Variants in SLC31A1 observed in about 807,000 individuals in gnomAD.
The protein encoded by SLC31A1 is solute carrier family 31 member 1, also known as high affinity copper uptake protein 1.
A neutral mutation model predicts 17.2 loss-of-function variants in SLC31A1; 5 were observed. The observed-to-expected ratio is 0.29, with a 90% CI of 0.15 to 0.61. SLC31A1 has a LOEUF of 0.61. Ranked by LOEUF, SLC31A1 falls within the 20% of genes least tolerant of loss-of-function variation. The pLI is 0.86. For synonymous variants in SLC31A1, 76 were observed against 78.8 expected (o/e 0.96, Z 0.19); for missense variants, 161 against 241.4 (o/e 0.67, Z 2.21).
At chr9:113,240,079 T>C (rs761316676) in intron 1 of SLC31A1, among the ~76,000 whole-genome samples, 2 of 152,226 alleles carry the variant, frequency 1.3e-5, no homozygotes, top group African/African-American at 4.8e-5. Context: ...TTAAGAAAGC[T>C]CCTCTCTTTC....
At chr9:113,230,328 A>G (rs754986866) in intron 1 of SLC31A1, among the ~76,000 whole-genome samples, 4 of 152,212 alleles carry the variant, frequency 2.6e-5, no homozygotes, top group South Asian at 2.1e-4. Context: ...GGCTCAGGCT[A>G]TCCTCCTGCC....
At chr9:113,255,934 G>A (rs1831721846) in intron 1 of SLC31A1, 180 bp from the exon 2 acceptor site, 1 of 359,946 alleles carries the variant, frequency 2.8e-6, no homozygotes, top group Non-Finnish European at 4.9e-6. Context: ...TGGTGAACCA[G>A]CCTAGATCAG....
At chr9:113,226,843 C>T (rs1163646904) in intron 1 of SLC31A1, among the ~76,000 whole-genome samples, 1 of 152,120 alleles carries the variant, frequency 6.6e-6, no homozygotes, top group Non-Finnish European at 1.5e-5. Flanking sequence ...AAGCAGTTTA[C>T]AGCATCTAGA....
chr9:113,259,465 G>T (rs888665786), intron 4 of SLC31A1, among the ~76,000 whole-genome samples: 2 of 152,154 alleles, frequency 1.3e-5, no homozygotes, highest in African/African-American at 2.4e-5. Context: ...GGCCCAGAAG[G>T]ATTGTGACCT....
In SLC31A1 at chr9:113,242,128, G is replaced by A. The variant is rs542277335; in HGVS notation, c.-35-13986G>A. ...GGTGTGAACCCGGGAGGCGGAGCTT[G>A]CGGTGAGCTGAGATCACGCCACCGC... On this transcript the variant is annotated intron_variant, in intron 1 of 4. Coordinates refer to ENST00000374212, the MANE Select transcript of SLC31A1 (RefSeq NM_001859.4). Among the ~76,000 whole-genome samples the A allele has an allele frequency of 7.9e-5, 12 of 152,286 alleles. No homozygotes were observed. The South Asian group carries it at 2.5e-3, about 32-fold the overall frequency.
At chr9:113,234,824 A>C (rs1193310670) in intron 1 of SLC31A1, among the ~76,000 whole-genome samples, 3 of 152,206 alleles carry the variant, frequency 2.0e-5, no homozygotes, top group Admixed American at 2.0e-4. Context: ...TGTTATTAAC[A>C]TGGCAGTCTC....
intron 1 of SLC31A1, among the ~76,000 whole-genome samples, chr9:113,246,587 G>T (rs1587992980): frequency 6.6e-6 from 1 of 152,240 alleles, no homozygotes; most frequent in South Asian, 2.1e-4. Flanking sequence ...TTCTGACCTC[G>T]TGATCTGCCT....
At position 113,260,384 on chromosome 9, in the gene SLC31A1, A is replaced by G. The variant is rs1182145651; in HGVS notation, c.484A>G (p.Ile162Val). 6 of 1,614,074 alleles carry G rather than the reference A, an allele frequency of 3.7e-6. No individual in the cohort carries two copies. Among genetic ancestry groups the G allele is most frequent in the Non-Finnish European group, 4.2e-6 (5 of 1,180,016 alleles). ...CATGACCTACAACGGGTACCTCTGCATTGCAGTAGCAGCAGGGGCCGGTAC... is the reference window on the plus strand; with the variant it reads ...CATGACCTACAACGGGTACCTCTGCGTTGCAGTAGCAGCAGGGGCCGGTAC... ...IFMTYNGYLC[I>V]AVAAGAGTGY... The change falls in exon 5 of 5, where the codon ATT becomes GTT. Residue 162 changes from isoleucine (I) to valine (V), a missense_variant. Physicochemically the swap from Ile to Val is conservative, Grantham distance 29. Coordinates refer to ENST00000374212, the MANE Select transcript of SLC31A1 (RefSeq NM_001859.4).
At chr9:113,240,024 T>G (rs966365746) in intron 1 of SLC31A1, among the ~76,000 whole-genome samples, 1 of 152,204 alleles carries the variant, frequency 6.6e-6, no homozygotes, top group Admixed American at 6.5e-5. Context: ...TTCCTTCTAC[T>G]AAACTCCAAT....
chr9:113,250,622 T>C, intron 1 of SLC31A1, among the ~76,000 whole-genome samples: 1 of 148,226 alleles, frequency 6.7e-6, no homozygotes, highest in Non-Finnish European at 1.5e-5. Context: ...GGCACATGTA[T>C]ACATATGTAA....
At chr9:113,237,353 A>G (rs1401108237) in intron 1 of SLC31A1, among the ~76,000 whole-genome samples, 1 of 152,196 alleles carries the variant, frequency 6.6e-6, no homozygotes, top group Non-Finnish European at 1.5e-5. Flanking sequence ...TCAGAGCACT[A>G]GGATAGCTTG....
At chr9:113,246,708 C>T (rs1447116837) in intron 1 of SLC31A1, among the ~76,000 whole-genome samples, 2 of 151,394 alleles carry the variant, frequency 1.3e-5, no homozygotes, top group Non-Finnish European at 2.9e-5. Context: ...CTCTATATCC[C>T]AGGCTGGAGT....
chr9:113,264,012 C>T lies in SLC31A1; in HGVS notation c.*3539C>T, dbSNP rs1831823850. ...ATCCTGCCCTCTCCAGCTGCTCCTT[C>T]AAAAGATACATCAAAAGATAGAAAC... On this transcript the variant is annotated 3_prime_UTR_variant, in exon 5 of 5. Coordinates refer to ENST00000374212, the MANE Select transcript of SLC31A1 (RefSeq NM_001859.4). 1 of 152,176 alleles carries T rather than the reference C, an allele frequency of 6.6e-6. No homozygotes were observed. The highest frequency in any genetic ancestry group is 6.6e-5 in the Admixed American group (1 of 15,238). The allele number at this position is 152,176 out of a possible 1,614,324, so 9.4% of individuals were successfully genotyped here. A position where few individuals can be genotyped will look rare whatever the true frequency, so the allele number is the denominator to read the frequency against.
intron 1 of SLC31A1, among the ~76,000 whole-genome samples, chr9:113,222,377 AT>A (rs1359867354): frequency 6.6e-6 from 1 of 152,128 alleles, no homozygotes; most frequent in African/African-American, 2.4e-5. Flanking sequence ...ATCAACATCA[AT>A]TGTGGCGGAC....
intron 1 of SLC31A1, among the ~76,000 whole-genome samples, chr9:113,237,170 T>G (rs1036003783): frequency 1.1e-4 from 16 of 152,216 alleles, no homozygotes; most frequent in Non-Finnish European, 2.4e-4. Flanking sequence ...TCACCCCACT[T>G]AGAGCCACTT....
intron 1 of SLC31A1, chr9:113,223,308 C>G: frequency 2.4e-6 from 1 of 419,076 alleles, no homozygotes; most frequent in South Asian, 1.8e-5. Flanking sequence ...AGGCTTTGAA[C>G]TGCAGGACTG....
rs868693572 is a variant in SLC31A1, at chr9:113,260,579, G to A, written c.*106G>A. ...TCCCTTCTTGCTCCTCTTTGTGCAC[G>A]TACACACACACACACACACACACAC... On this transcript the variant is annotated 3_prime_UTR_variant, in exon 5 of 5. Coordinates refer to ENST00000374212, the MANE Select transcript of SLC31A1 (RefSeq NM_001859.4). 3 of 590,130 alleles carry A rather than the reference G, an allele frequency of 5.1e-6. No individual in the cohort carries two copies. Among genetic ancestry groups the A allele is most frequent in the South Asian group, 1.6e-5 (1 of 61,166 alleles). The allele number at this position is 590,130 out of a possible 1,614,324, so 36.6% of individuals were successfully genotyped here.
At chr9:113,252,076 G>A (rs544877386) in intron 1 of SLC31A1, among the ~76,000 whole-genome samples, 1 of 152,222 alleles carries the variant, frequency 6.6e-6, no homozygotes, top group African/African-American at 2.4e-5. Flanking sequence ...ACTTTGAAAG[G>A]TTTTCTTGGG....
chr9:113,232,461 T>C (rs149504291), intron 1 of SLC31A1, among the ~76,000 whole-genome samples: 65 of 152,192 alleles, frequency 4.3e-4, no homozygotes, highest in African/African-American at 1.5e-3. Flanking sequence ...TGATTCAACA[T>C]AGATAAAGGC....
Sources: gnomAD v4.1 joint callset for allele counts (sites outside exome capture counted in the v4.1 genomes callset) on GRCh38, gnomAD v4.1.1 for gene constraint, MANE v1.5 for transcripts, NCBI Gene and HGNC (gene_info 2026-07-23, HGNC 2026-07-21) for gene names.